Variants in GPR137C observed in about 807,000 individuals in gnomAD.
GPR137C encodes the protein G protein-coupled receptor 137C.
GPR137C carries 27 observed loss-of-function variants against 43.4 expected under a neutral mutation model. The ratio of observed to expected loss-of-function variants is 0.62; its 90% CI spans 0.46 to 0.86. The LOEUF (loss-of-function observed/expected upper bound fraction) is 0.86. Among genes scored for constraint, GPR137C ranks in the 40% least tolerant of loss-of-function variants. The pLI is 0.00. For synonymous variants in GPR137C, 285 were observed against 226.9 expected, an observed-to-expected ratio of 1.26 and a Z score of -2.30; for missense variants, 522 against 534.6, an observed-to-expected ratio of 0.98 and a Z score of 0.23.
At chr14:52,556,786 A>AT (rs528750510) in intron 1 of GPR137C, among the ~76,000 whole-genome samples, 2,157 of 148,170 alleles carry the variant, frequency 0.015, 21 homozygotes, top group Non-Finnish European at 0.022. Flanking sequence ...CTGAATCTAA[A>AT]TTTTTTTTTT....
intron 3 of GPR137C, among the ~76,000 whole-genome samples, chr14:52,605,832 C>T (rs144627900): frequency 3.9e-5 from 6 of 152,168 alleles, no homozygotes; most frequent in Non-Finnish European, 5.9e-5. Context: ...TCTGTTGCTG[C>T]GATATATCAC....
At chr14:52,588,204 A>G (rs892937966) in intron 1 of GPR137C, among the ~76,000 whole-genome samples, 74 of 152,206 alleles carry the variant, frequency 4.9e-4, no homozygotes, top group African/African-American at 1.5e-3. Flanking sequence ...GAGAGCAGTG[A>G]TGCAATCTTG....
chr14:52,597,397 A>G (rs962997253), intron 1 of GPR137C, among the ~76,000 whole-genome samples: 2 of 152,228 alleles, frequency 1.3e-5, no homozygotes, highest in Non-Finnish European at 2.9e-5. Flanking sequence ...TGTTTAAATG[A>G]AATCAGTGAG....
intron 3 of GPR137C, among the ~76,000 whole-genome samples, chr14:52,625,846 G>A (rs117526321): frequency 0.011 from 1,664 of 152,016 alleles, 18 homozygotes; most frequent in Non-Finnish European, 0.017. Context: ...GAGCCACTGC[G>A]CCCGGCCAGA....
At chr14:52,604,276 T>C (rs1186625357) in intron 3 of GPR137C, among the ~76,000 whole-genome samples, 2 of 152,226 alleles carry the variant, frequency 1.3e-5, no homozygotes, top group African/African-American at 2.4e-5. Context: ...GTAATCCCAT[T>C]TGTCTATTAT....
At position 52,567,844 on chromosome 14, in the gene GPR137C, G is replaced by A. The variant is rs146865439; in HGVS notation, c.444+14253G>A. On this transcript the variant is annotated intron_variant, in intron 1 of 6. Coordinates refer to ENST00000321662, the MANE Select transcript of GPR137C (RefSeq NM_001099652.2). ...CTGGCTAATTTTTGCATTTTTAGTA[G>A]AGACAGGGTTTCACCATGTTGGTCA... is the stretch of plus-strand genomic sequence containing the variant. Among the ~76,000 whole-genome samples the A allele has an allele frequency of 6.0e-4, 92 of 152,096 alleles. No individual in the cohort carries two copies. The East Asian group carries it at 0.016, about 27-fold the overall frequency.
At position 52,553,186 on chromosome 14, in the gene GPR137C, C is replaced by A. The variant is rs1264597776; in HGVS notation, c.39C>A (p.Ala13=). 55 of 1,202,072 alleles carry A rather than the reference C, an allele frequency of 4.6e-5. No individual in the cohort carries two copies. Among genetic ancestry groups the A allele is most frequent in the Non-Finnish European group, 5.3e-5 (51 of 970,216 alleles). 74.5% of individuals were successfully genotyped at this position (1,202,072 alleles called of 1,614,324 possible). The change falls in exon 1 of 7, where the codon GCC becomes GCA. Residue 13 remains alanine, a synonymous_variant. Transcript: ENST00000321662. Reference sequence around the variant, plus strand: ...TGCCGGGTCCGGCGGCCGCTGCCGCCCCCGCAGCCGGCCGCGAGCCCTCCA... The same window carrying A: ...TGCCGGGTCCGGCGGCCGCTGCCGCACCCGCAGCCGGCCGCGAGCCCTCCA... ...VSVPGPAAAA[A]PAAGREPSTP... is the part of the protein sequence containing the mutation.
chr14:52,616,505 G>T (rs2039100907), intron 3 of GPR137C, among the ~76,000 whole-genome samples: 1 of 152,126 alleles, frequency 6.6e-6, no homozygotes, highest in Non-Finnish European at 1.5e-5. Flanking sequence ...CGTTGGCCAG[G>T]CTTGTCTCAA....
rs901019690 is a variant in GPR137C at position 52,637,215 on chromosome 14, A to C, written c.*2100A>C. 6.6e-6 allele frequency: 1 copy of C among 152,154 alleles called. No homozygotes were observed. Among genetic ancestry groups the C allele is most frequent in the African/African-American group, 2.4e-5 (1 of 41,456 alleles). The allele number at this position is 152,154 out of a possible 1,614,324, so 9.4% of individuals were successfully genotyped here. On this transcript the variant is annotated 3_prime_UTR_variant, in exon 7 of 7. Transcript: ENST00000321662. ...TTATACACATCTAACATATCACCAAAGACAAATAAAGATACACTCTGGCCC... is the reference window on the plus strand; with the variant it reads ...TTATACACATCTAACATATCACCAACGACAAATAAAGATACACTCTGGCCC...
chr14:52,577,963 T>C (rs923832386), intron 1 of GPR137C, among the ~76,000 whole-genome samples: 1 of 151,830 alleles, frequency 6.6e-6, no homozygotes, highest in Non-Finnish European at 1.5e-5. Context: ...AGACCCTGTC[T>C]CAAAAAAAAG....
rs563497298 is a variant in GPR137C, at chr14:52,635,331, T to G, written c.*216T>G. On this transcript the variant is annotated 3_prime_UTR_variant, in exon 7 of 7. Transcript: ENST00000321662. ...AGTTTGGAGTAGGAGAAAAGAGAGA[T>G]TAGATCTTAAGGCACTTGATGGCCT... 4.9e-6 allele frequency: 2 copies of G among 410,588 alleles called. No homozygotes were observed. The highest frequency in any genetic ancestry group is 4.8e-5 in the South Asian group (1 of 21,036). 25.4% of individuals were successfully genotyped at this position (410,588 alleles called of 1,614,324 possible).
Position 52,553,411 on chromosome 14 carries a change from C to T in GPR137C, c.264C>T (p.Leu88=), listed in dbSNP as rs756104972. The part of the protein sequence containing the change: ...RLSYQSLCLF[L]CLLWAALRTT... ...GTTACCAGAGCCTCTGCCTCTTCCT[C>T]TGTCTCCTGTGGGCAGCGCTCAGGA... Residue 88 remains leucine, a synonymous_variant, in exon 1 of 7, where the codon CTC becomes CTT. Transcript: ENST00000321662. 1 of 1,608,572 alleles carries T rather than the reference C, an allele frequency of 6.2e-7. No homozygotes were observed. Among genetic ancestry groups the T allele is most frequent in the Non-Finnish European group, 8.5e-7 (1 of 1,179,798 alleles).
At chr14:52,589,620 C>G (rs1304396240) in intron 1 of GPR137C, among the ~76,000 whole-genome samples, 1 of 152,140 alleles carries the variant, frequency 6.6e-6, no homozygotes, top group Non-Finnish European at 1.5e-5. Context: ...CTATTTTAGA[C>G]TCCTTCATTA....
chr14:52,573,010 C>T lies in GPR137C; in HGVS notation c.444+19419C>T, dbSNP rs147456085. ...AGAATAAAATACCTAGGAATACAAC[C>T]TACAAGGGATGTGAAGGACCTCTTC... On this transcript the variant is annotated intron_variant, in intron 1 of 6. Transcript: ENST00000321662. Among the ~76,000 whole-genome samples the T allele has an allele frequency of 1.5e-3, 233 of 152,146 alleles. 3 individuals carry two copies. In the East Asian group the frequency reaches 0.043, roughly 28 times the overall value.
At chr14:52,621,714 A>C (rs1203743673) in intron 3 of GPR137C, among the ~76,000 whole-genome samples, 1 of 151,746 alleles carries the variant, frequency 6.6e-6, no homozygotes, top group Non-Finnish European at 1.5e-5. Flanking sequence ...TACTATCTAG[A>C]CTGTGAGAAG....
At chr14:52,564,932 TC>T (rs2139444798) in intron 1 of GPR137C, among the ~76,000 whole-genome samples, 1 of 151,170 alleles carries the variant, frequency 6.6e-6, no homozygotes, top group Non-Finnish European at 1.5e-5. Flanking sequence ...CCTCCTCCCT[TC>T]AAAAAAAAAA....
chr14:52,626,262 G>A (rs1594808620), intron 3 of GPR137C, among the ~76,000 whole-genome samples: 2 of 152,124 alleles, frequency 1.3e-5, no homozygotes, highest in African/African-American at 4.8e-5. Flanking sequence ...TTACAGACTA[G>A]TGTCCCTAAT....
At chr14:52,626,131 G>A (rs971269891) in intron 3 of GPR137C, among the ~76,000 whole-genome samples, 3 of 152,100 alleles carry the variant, frequency 2.0e-5, no homozygotes, top group Admixed American at 6.5e-5. Context: ...AGTAGGATGT[G>A]CACATTATAT....
intron 4 of GPR137C, among the ~76,000 whole-genome samples, 158 bp downstream of exon 4, chr14:52,632,467 A>G (rs2039306433): frequency 6.6e-6 from 1 of 152,120 alleles, no homozygotes; most frequent in Admixed American, 6.6e-5. Flanking sequence ...ATCTTTATGT[A>G]CGTGTGACAT....
Sources: allele counts gnomAD v4.1 joint callset (sites outside exome capture counted in the v4.1 genomes callset), GRCh38; gene constraint gnomAD v4.1.1; transcripts MANE v1.5; gene names NCBI Gene and HGNC (gene_info 2026-07-23, HGNC 2026-07-21).